The following DRC11 variants were observed in gnomAD, a reference collection of about 807,000 sequenced individuals.
DRC11 encodes the protein IQ and AAA domain-containing protein 1.
chr2:236,380,797 CTGGCCTGGAAAATCCCAAGTTGCT>C, the DRC11 span, among the ~76,000 whole-genome samples: 1 of 152,182 alleles, frequency 6.6e-6, no homozygotes, highest in African/African-American at 2.4e-5. This position sits in a 1 kb window ranked among gnomAD's most constrained non-coding sequence, Gnocchi z 4.9. Context: ...AACGTAGGGA[CTGGCCTGGAAAATCCCAAGTTGCT>C]TATGTGGTGT....
At chr2:236,459,611 ATATAAG>A in the DRC11 span, among the ~76,000 whole-genome samples, 1 of 142,368 alleles carries the variant, frequency 7.0e-6, no homozygotes, top group Non-Finnish European at 1.5e-5. Context: ...ATATATACGT[ATATAAG>A]TATATACATA....
chr2:236,374,784 G>A, the DRC11 span, among the ~76,000 whole-genome samples: 118 of 152,020 alleles, frequency 7.8e-4, no homozygotes, highest in African/African-American at 2.7e-3. Context: ...TCCACCTCCC[G>A]GGTTCAAGCG....
chr2:236,392,199 T>G, the DRC11 span: 1 of 1,465,932 alleles, frequency 6.8e-7, no homozygotes, highest in Non-Finnish European at 9.5e-7. The surrounding 1 kb of genome is among the most constrained non-coding windows in gnomAD (Gnocchi z 5.1). Flanking sequence ...GCACAATGGT[T>G]GAAGTAAATG....
chr2:236,335,910 G>A, the DRC11 span, among the ~76,000 whole-genome samples: 27 of 145,048 alleles, frequency 1.9e-4, no homozygotes, highest in South Asian at 5.1e-3. This position sits in a 1 kb window ranked among gnomAD's most constrained non-coding sequence, Gnocchi z 5.6. Flanking sequence ...GCTGGACAGC[G>A]CTGCCCCCTT....
the DRC11 span, among the ~76,000 whole-genome samples, chr2:236,381,389 C>CTAT: frequency 6.6e-6 from 1 of 151,822 alleles, no homozygotes; most frequent in African/African-American, 2.4e-5. The surrounding 1 kb of genome is among the most constrained non-coding windows in gnomAD (Gnocchi z 5.8). Context: ...GAACTATGAG[C>CTAT]TATTAATTTC....
chr2:236,324,801 T>A, the DRC11 span: 3 of 1,579,278 alleles, frequency 1.9e-6, no homozygotes, highest in Admixed American at 3.6e-5. The surrounding 1 kb of genome is among the most constrained non-coding windows in gnomAD (Gnocchi z 5.7). Context: ...ACAATAGAAG[T>A]TTCGGAAAAG....
At chr2:236,500,468 C>CA in the DRC11 span, among the ~76,000 whole-genome samples, 1 of 152,184 alleles carries the variant, frequency 6.6e-6, no homozygotes, top group East Asian at 1.9e-4. The surrounding 1 kb of genome is among the most constrained non-coding windows in gnomAD (Gnocchi z 6.3). Context: ...CTCTTCCCCC[C>CA]AACACCCCAC....
the DRC11 span, among the ~76,000 whole-genome samples, chr2:236,474,312 T>G: frequency 1.3e-5 from 2 of 152,156 alleles, no homozygotes; most frequent in Non-Finnish European, 2.9e-5. Flanking sequence ...TAATACAAAC[T>G]TCATTCATTT....
chr2:236,504,199 T>TGGG, the DRC11 span, among the ~76,000 whole-genome samples: 8 of 146,898 alleles, frequency 5.4e-5, no homozygotes, highest in Non-Finnish European at 1.0e-4. This position sits in a 1 kb window ranked among gnomAD's most constrained non-coding sequence, Gnocchi z 5.0. Context: ...TACACGGCGG[T>TGGG]GGGGGGGGGC....
chr2:236,394,995 C>CAGA, the DRC11 span, among the ~76,000 whole-genome samples: 1 of 152,312 alleles, frequency 6.6e-6, no homozygotes, highest in South Asian at 2.1e-4. This position sits in a 1 kb window ranked among gnomAD's most constrained non-coding sequence, Gnocchi z 7.0. Context: ...TTCAGAATGG[C>CAGA]TAATGTGGGC....
the DRC11 span, among the ~76,000 whole-genome samples, chr2:236,398,406 A>G: frequency 0.015 from 2,217 of 152,360 alleles, 25 homozygotes; most frequent in Middle Eastern, 0.027. This position sits in a 1 kb window ranked among gnomAD's most constrained non-coding sequence, Gnocchi z 6.2. Context: ...ATAAGGTGCA[A>G]TTATTAAGGT....
At chr2:236,373,503 A>T in the DRC11 span, among the ~76,000 whole-genome samples, 2 of 152,136 alleles carry the variant, frequency 1.3e-5, no homozygotes, top group African/African-American at 4.8e-5. Context: ...CGCCCACCTC[A>T]GTCTCCCAAA....
chr2:236,331,554 G>A, the DRC11 span: 2 of 1,613,962 alleles, frequency 1.2e-6, no homozygotes, highest in Non-Finnish European at 1.7e-6. This position sits in a 1 kb window ranked among gnomAD's most constrained non-coding sequence, Gnocchi z 4.8. Context: ...TCAAGGCACT[G>A]GTGAGGACTC....
chr2:236,453,518 CGCA>C, the DRC11 span, among the ~76,000 whole-genome samples: 1 of 152,196 alleles, frequency 6.6e-6, no homozygotes, highest in African/African-American at 2.4e-5. This position sits in a 1 kb window ranked among gnomAD's most constrained non-coding sequence, Gnocchi z 4.9. Context: ...TGTCCTCTGC[CGCA>C]GATGCGTTAA....
At chr2:236,391,872 T>C in the DRC11 span, 1 of 900,162 alleles carries the variant, frequency 1.1e-6, no homozygotes, top group Non-Finnish European at 1.8e-6. This position sits in a 1 kb window ranked among gnomAD's most constrained non-coding sequence, Gnocchi z 4.5. Flanking sequence ...TGAGGTGTCC[T>C]GGCAACAGGC....
chr2:236,390,184 T>C, the DRC11 span, among the ~76,000 whole-genome samples: 2 of 152,246 alleles, frequency 1.3e-5, no homozygotes, highest in East Asian at 1.9e-4. The surrounding 1 kb of genome is among the most constrained non-coding windows in gnomAD (Gnocchi z 5.9). Context: ...ATAATTGTTA[T>C]ATCTTCCTAT....
chr2:236,408,830 T>C, the DRC11 span: 2 of 659,666 alleles, frequency 3.0e-6, no homozygotes, highest in Admixed American at 2.1e-5. This position sits in a 1 kb window ranked among gnomAD's most constrained non-coding sequence, Gnocchi z 5.5. Context: ...ATAGCCACCA[T>C]GGCAGTGTCT....
At chr2:236,491,023 ATATG>A in the DRC11 span, among the ~76,000 whole-genome samples, 12 of 143,118 alleles carry the variant, frequency 8.4e-5, 1 homozygote, top group African/African-American at 2.9e-4. Flanking sequence ...ATGTGTATAT[ATATG>A]TGTGTATATA....
chr2:236,402,935 ATCTG>A, the DRC11 span, among the ~76,000 whole-genome samples: 288 of 152,294 alleles, frequency 1.9e-3, 3 homozygotes, highest in Non-Finnish European at 2.7e-3. This position sits in a 1 kb window ranked among gnomAD's most constrained non-coding sequence, Gnocchi z 6.0. Flanking sequence ...ATTATTTATC[ATCTG>A]TCTGTCTGTC....
Sources: allele counts gnomAD v4.1 joint callset (sites outside exome capture counted in the v4.1 genomes callset), GRCh38; gene constraint gnomAD v4.1.1; non-coding constraint Gnocchi (gnomAD v3.1); transcripts MANE v1.5; gene names NCBI Gene and HGNC (gene_info 2026-07-23, HGNC 2026-07-21).